The following ANKRD28 variants were observed in gnomAD, a reference collection of about 807,000 sequenced individuals.
ANKRD28 encodes the protein serine/threonine-protein phosphatase 6 regulatory ankyrin repeat subunit A.
A neutral mutation model predicts 126.5 loss-of-function variants in ANKRD28; 44 were observed. That is an observed-to-expected ratio of 0.35 (90% confidence interval 0.27 to 0.45). ANKRD28 has a LOEUF of 0.45. Among genes scored for constraint, ANKRD28 ranks in the 20% least tolerant of loss-of-function variants. ANKRD28 has a pLI of 1.00. For missense variants in ANKRD28, 1,110 were observed against 1,316.6 expected, an observed-to-expected ratio of 0.84 and a Z score of 2.43; for synonymous variants, 442 against 468.5, an observed-to-expected ratio of 0.94 and a Z score of 0.73.
rs2061240958 is a variant in ANKRD28, at chr3:15,833,128, G to T, written c.27+26249C>A. 6.6e-6 allele frequency among the ~76,000 whole-genome samples: 1 copy of T among 152,172 alleles called. No individual in the cohort carries two copies. Among genetic ancestry groups the T allele is most frequent in the African/African-American group, 2.4e-5 (1 of 41,446 alleles). On this transcript the variant is annotated intron_variant, in intron 1 of 27. Coordinates refer to the ANKRD28 transcript ENST00000399451. This position sits in a 1 kb window ranked among gnomAD's most constrained non-coding sequence, Gnocchi z 4.4. ...TGTCAACTTGATTGGATTGAAGGAT[G>T]CAAAGTATTGATCCAGGGTGTGTCT...
chr3:15,841,759 C>T (rs990646782), intron 1 of ANKRD28, among the ~76,000 whole-genome samples: 2 of 152,062 alleles, frequency 1.3e-5, no homozygotes, highest in Non-Finnish European at 2.9e-5. Flanking sequence ...TGGCTTTTAT[C>T]CAAAAGTCAG....
chr3:15,670,755 T>A (rs1277250506), intron 27 of ANKRD28, among the ~76,000 whole-genome samples, 199 bp from the exon 28 acceptor site: 1 of 152,164 alleles, frequency 6.6e-6, no homozygotes, highest in Admixed American at 6.5e-5. Context: ...TGGAAGGGGA[T>A]GTTAGACTAG....
chr3:15,679,916 T>A (rs1231988045), intron 21 of ANKRD28, among the ~76,000 whole-genome samples: 2 of 147,068 alleles, frequency 1.4e-5, no homozygotes, highest in African/African-American at 5.4e-5. Flanking sequence ...ATTATTTACA[T>A]AACATTTACA....
chr3:15,711,154 A>G, intron 12 of ANKRD28, 57 bp downstream of exon 12: 1 of 1,405,122 alleles, frequency 7.1e-7, no homozygotes, highest in Non-Finnish European at 9.9e-7. Flanking sequence ...AAGATAAGAG[A>G]AAACCTGCCA....
chr3:15,770,612 T>C (rs2058952344), intron 2 of ANKRD28, among the ~76,000 whole-genome samples: 1 of 152,190 alleles, frequency 6.6e-6, no homozygotes, highest in African/African-American at 2.4e-5. Flanking sequence ...TTTGTCTCTG[T>C]TTCTTCTCTG....
intron 1 of ANKRD28, among the ~76,000 whole-genome samples, chr3:15,807,568 TA>T (rs1324830584): frequency 6.6e-6 from 1 of 152,218 alleles, no homozygotes; most frequent in Non-Finnish European, 1.5e-5. Flanking sequence ...TGTTTCCTAT[TA>T]ATCTCATCTT....
At chr3:15,760,516 G>A (rs2058401224) in intron 3 of ANKRD28, among the ~76,000 whole-genome samples, 1 of 152,172 alleles carries the variant, frequency 6.6e-6, no homozygotes, top group South Asian at 2.1e-4. Context: ...AAAGCATCCA[G>A]CACAGGACTA....
chr3:15,785,346 CA>C (rs1311829520), intron 2 of ANKRD28, among the ~76,000 whole-genome samples: 2 of 152,042 alleles, frequency 1.3e-5, no homozygotes, highest in African/African-American at 2.4e-5. Flanking sequence ...CCAAAATCTA[CA>C]AAGAAATCCC....
chr3:15,810,036 T>C (rs2060678699), intron 1 of ANKRD28, among the ~76,000 whole-genome samples: 2 of 152,078 alleles, frequency 1.3e-5, no homozygotes, highest in Non-Finnish European at 2.9e-5. Context: ...AGCAGCGAGA[T>C]CATGAAGGGT....
chr3:15,755,527 G>C (rs1201052985), intron 3 of ANKRD28, among the ~76,000 whole-genome samples: 1 of 152,066 alleles, frequency 6.6e-6, no homozygotes, highest in African/African-American at 2.4e-5. Context: ...TACTTTAAAC[G>C]ACAAATTCAT....
chr3:15,733,640 T>A (rs187990448), intron 6 of ANKRD28, among the ~76,000 whole-genome samples: 10 of 152,344 alleles, frequency 6.6e-5, no homozygotes, highest in African/African-American at 2.4e-4. Context: ...AGGAGAGAGA[T>A]AAGGTAAGGT....
rs1388566029 is a variant in ANKRD28, at chr3:15,674,278, A to G, written c.2965+1620T>C. Among the ~76,000 whole-genome samples, 5 of 152,208 alleles carry G rather than the reference A, an allele frequency of 3.3e-5. No individual in the cohort carries two copies. The East Asian group carries it at 7.7e-4, about 23-fold the overall frequency. On this transcript the variant is annotated intron_variant, in intron 27 of 27. Coordinates refer to ENST00000683139, the MANE Select transcript of ANKRD28 (RefSeq NM_001349278.2). ...AGGTCAGTCTGGTAGCAGTAAAGAA[A>G]AAAGTGGGCATACTTTAGATCTACT...
At chr3:15,801,592 C>T (rs530716656), upstream of ANKRD28, among the ~76,000 whole-genome samples, 8 of 152,180 alleles carry the variant, frequency 5.3e-5, no homozygotes, top group South Asian at 4.1e-4. This position sits in a 1 kb window ranked among gnomAD's most constrained non-coding sequence, Gnocchi z 4.9. Context: ...TCTTGAGCTA[C>T]GCCTCATCTA....
chr3:15,692,964 G>A (rs1254406120), intron 17 of ANKRD28, among the ~76,000 whole-genome samples: 2 of 152,076 alleles, frequency 1.3e-5, no homozygotes, highest in Non-Finnish European at 2.9e-5. Context: ...CTACAACATG[G>A]ATGAAACCTG....
chr3:15,700,286 G>A (rs6772879), intron 14 of ANKRD28, among the ~76,000 whole-genome samples: 81,320 of 151,754 alleles, frequency 0.54, 22,637 homozygotes, highest in Middle Eastern at 0.63. Flanking sequence ...ATCATACACC[G>A]GGGCCTGTCC....
intron 12 of ANKRD28, among the ~76,000 whole-genome samples, chr3:15,710,282 A>T (rs774119854): frequency 6.6e-6 from 1 of 152,222 alleles, no homozygotes; most frequent in Non-Finnish European, 1.5e-5. Context: ...AAAGGATATA[A>T]CTTAAGTATT....
In ANKRD28 at chr3:15,737,224, G is replaced by C; in HGVS notation, c.361C>G (p.Gln121Glu). ...TCTGCAGAATGCTTCAAAAGTACCTGAACTGCTTCCTAAAACATATGAAAA... is the reference window on the plus strand; with the variant it reads ...TCTGCAGAATGCTTCAAAAGTACCTCAACTGCTTCCTAAAACATATGAAAA... ...AVASCSEEAV[Q>E]VLLKHSADVN... The change falls in exon 5 of 28, where the codon CAG becomes GAG. Residue 121 changes from glutamine (Q) to glutamate (E), a missense_variant. By Grantham distance (29) the Gln-to-Glu change is conservative. Coordinates refer to ENST00000683139, the MANE Select transcript of ANKRD28 (RefSeq NM_001349278.2). The C allele has an allele frequency of 2.5e-6, 4 of 1,613,302 alleles. No homozygotes were observed. Among genetic ancestry groups the C allele is most frequent in the South Asian group, 1.1e-5 (1 of 90,986 alleles).
chr3:15,859,557 G>GA (rs1559607056), exon 1 of ANKRD28: 1 of 443,166 alleles, frequency 2.3e-6, no homozygotes, highest in East Asian at 6.4e-5. Flanking sequence ...TGCGGGCAGG[G>GA]GGCGGCGCCG....
intron 1 of ANKRD28, chr3:15,859,276 C>T: frequency 1.4e-6 from 2 of 1,474,710 alleles, no homozygotes; most frequent in Non-Finnish European, 1.8e-6. Flanking sequence ...TCCCTCGCAA[C>T]CACCCCGCCG....
Sources: allele counts gnomAD v4.1 joint callset (sites outside exome capture counted in the v4.1 genomes callset), GRCh38; gene constraint gnomAD v4.1.1; non-coding constraint Gnocchi (gnomAD v3.1); transcripts MANE v1.5; gene names NCBI Gene and HGNC (gene_info 2026-07-23, HGNC 2026-07-21).